SPON2: variants seen among roughly 807,000 people sequenced by gnomAD.
The protein encoded by SPON2 is spondin 2.
A neutral mutation model predicts 29.9 loss-of-function variants in SPON2; 32 were observed. That is an observed-to-expected ratio of 1.07 (90% CI 0.81 to 1.44). The LOEUF is 1.44. SPON2 is among the 40% of genes most tolerant of loss of function. The pLI is 0.00. For missense variants in SPON2, 541 were observed against 455.5 expected (o/e 1.19, Z -1.71); for synonymous variants, 248 against 209.1 (o/e 1.19, Z -1.61).
At chr4:1,198,285 C>T (rs1360736785), upstream of SPON2, among the ~76,000 whole-genome samples, 1 of 152,138 alleles carries the variant, frequency 6.6e-6, no homozygotes, top group Non-Finnish European at 1.5e-5. Flanking sequence ...CAGAGATGAG[C>T]ACGAGGTGCT....
At position 1,186,029 on chromosome 4, in the gene SPON2, G is replaced by A. The variant is rs371276770; in HGVS notation, c.-238-6488C>T. Among the ~76,000 whole-genome samples, 48 of 150,302 alleles carry A rather than the reference G, an allele frequency of 3.2e-4. No homozygotes were observed. The East Asian group carries it at 6.4e-3, about 20-fold the overall frequency. On this transcript the variant is annotated intron_variant, in intron 1 of 3. Transcript: ENST00000502483. ...GGAGGCCGAGGCGGGCGGATCACGA[G>A]GTCAGGAGATCGAGACCATCCTGGC...
chr4:1,178,870 C>T lies in SPON2; in HGVS notation c.-145+578G>A, dbSNP rs150588792. On this transcript the variant is annotated intron_variant, in intron 2 of 3. Coordinates refer to the SPON2 transcript ENST00000502483. Reference sequence around the variant, plus strand: ...ACAGCAGGACGGGGCTGCGGAGTGGCAGCTGGTCCCCCCTGTGCAGGAACC... The same window carrying T: ...ACAGCAGGACGGGGCTGCGGAGTGGTAGCTGGTCCCCCCTGTGCAGGAACC... 2.1e-3 allele frequency among the ~76,000 whole-genome samples: 324 copies of T among 152,246 alleles called. 1 individual carries two copies. Among genetic ancestry groups the T allele is most frequent in the African/African-American group, 7.6e-3 (316 of 41,542 alleles).
upstream of SPON2, among the ~76,000 whole-genome samples, chr4:1,177,667 C>T (rs1727629883): frequency 6.6e-6 from 1 of 152,186 alleles, no homozygotes; most frequent in Non-Finnish European, 1.5e-5. Flanking sequence ...AGGGAGAGGC[C>T]TTCTTTACCT....
Position 1,171,496 on chromosome 4 carries a change from C to T in SPON2, c.221-10G>A, listed in dbSNP as rs377183950. On this transcript the variant is annotated splice_polypyrimidine_tract_variant and intron_variant, in intron 2 of 5. Transcript: ENST00000290902. ...GAGCTATGCGCGGCCCCTGCAGGAC[C>T]ACCCGGCCGCGCCGCGGACCATGGT... 168 of 1,604,904 alleles carry T rather than the reference C, an allele frequency of 1.0e-4. No individual in the cohort carries two copies. Among genetic ancestry groups the T allele is most frequent in the Non-Finnish European group, 1.4e-4 (165 of 1,174,172 alleles).
At chr4:1,206,941 G>A (rs985851681) in intron 1 of SPON2, among the ~76,000 whole-genome samples, 1 of 151,274 alleles carries the variant, frequency 6.6e-6, no homozygotes, top group Non-Finnish European at 1.5e-5. Context: ...AGAAGAGGCA[G>A]TGGGGGCAGG....
chr4:1,182,047 C>T (rs748576483), intron 1 of SPON2, among the ~76,000 whole-genome samples: 6 of 152,094 alleles, frequency 3.9e-5, no homozygotes, highest in East Asian at 3.8e-4. Flanking sequence ...TTGTACCTAA[C>T]GCTGACCCTT....
At chr4:1,185,994 C>T (rs1044842525) in intron 1 of SPON2, among the ~76,000 whole-genome samples, 5 of 151,632 alleles carry the variant, frequency 3.3e-5, no homozygotes, top group Admixed American at 2.0e-4. Context: ...CCTGTAATCC[C>T]AGCACTTTGG....
intron 1 of SPON2, among the ~76,000 whole-genome samples, chr4:1,186,220 G>A (rs979385277): frequency 2.0e-5 from 3 of 150,832 alleles, no homozygotes; most frequent in African/African-American, 7.3e-5. Flanking sequence ...CTCCAGCTTG[G>A]GTGACAGAGC....
At chr4:1,184,027 G>T (rs1727748444) in intron 1 of SPON2, among the ~76,000 whole-genome samples, 1 of 152,196 alleles carries the variant, frequency 6.6e-6, no homozygotes, top group South Asian at 2.1e-4. Flanking sequence ...GCCCAGACTA[G>T]AGTACAGTGG....
upstream of SPON2, chr4:1,208,341 C>A (rs1234083738): frequency 6.6e-6 from 1 of 152,310 alleles, no homozygotes; most frequent in Non-Finnish European, 1.5e-5. Context: ...CTGCCCTGTG[C>A]CCTGCTTGGG....
At chr4:1,186,199 G>C (rs575260012) in intron 1 of SPON2, among the ~76,000 whole-genome samples, 3 of 150,972 alleles carry the variant, frequency 2.0e-5, no homozygotes, top group African/African-American at 4.9e-5. Flanking sequence ...AGCTGAGATC[G>C]GGCCACTATA....
chr4:1,175,747 C>G (rs1467023758), upstream of SPON2, among the ~76,000 whole-genome samples: 1 of 150,854 alleles, frequency 6.6e-6, no homozygotes, highest in Non-Finnish European at 1.5e-5. Flanking sequence ...TGGGCCCAGG[C>G]CTCGGGGGCT....
At chr4:1,170,677 T>C (rs1356156230) in intron 4 of SPON2, 101 bp from the exon 5 acceptor site, 1 of 1,337,172 alleles carries the variant, frequency 7.5e-7, no homozygotes, top group South Asian at 1.3e-5. Context: ...CAGCGTGCCC[T>C]CTGCACCACT....
chr4:1,177,492 G>C (rs1257521051), upstream of SPON2, among the ~76,000 whole-genome samples: 1 of 152,136 alleles, frequency 6.6e-6, no homozygotes. Context: ...GGCGGGTGTG[G>C]GGTTTCCATG....
At chr4:1,176,945 G>C (rs953844534), upstream of SPON2, among the ~76,000 whole-genome samples, 6 of 152,160 alleles carry the variant, frequency 3.9e-5, no homozygotes, top group African/African-American at 1.4e-4. Flanking sequence ...CTCAGAGATG[G>C]GGACAAAGGA....
At chr4:1,174,494 AAAAAAAAAC>A (rs1464940489), upstream of SPON2, among the ~76,000 whole-genome samples, 91 of 150,854 alleles carry the variant, frequency 6.0e-4, 1 homozygote, top group East Asian at 1.5e-3. Context: ...CTCAAAAAAA[AAAAAAAAAC>A]AAAAAAACAA....
chr4:1,170,747 C>T (rs1005210781), intron 4 of SPON2, 171 bp from the exon 5 acceptor site: 4 of 1,030,260 alleles, frequency 3.9e-6, no homozygotes, highest in African/African-American at 1.6e-5. Context: ...GGCTGGAAAC[C>T]GAGGCCAGGA....
upstream of SPON2, among the ~76,000 whole-genome samples, chr4:1,177,850 T>C (rs114637859): frequency 3.2e-3 from 489 of 152,018 alleles, 3 homozygotes; most frequent in African/African-American, 0.011. Context: ...AGACGCGGAG[T>C]ACCCACCCAC....
intron 1 of SPON2, among the ~76,000 whole-genome samples, chr4:1,189,474 G>A (rs1023217477): frequency 1.3e-5 from 2 of 151,340 alleles, no homozygotes; most frequent in African/African-American, 2.4e-5. Context: ...AGGGGCAAAC[G>A]GTAAAACCCC....
Sources: gnomAD v4.1 joint callset for allele counts (sites outside exome capture counted in the v4.1 genomes callset) on GRCh38, gnomAD v4.1.1 for gene constraint, MANE v1.5 for transcripts, NCBI Gene and HGNC (gene_info 2026-07-23, HGNC 2026-07-21) for gene names.